SBNO1: variants seen among roughly 807,000 people sequenced by gnomAD.
SBNO1 encodes the protein protein strawberry notch homolog 1.
In SBNO1, 23 loss-of-function variants were observed where a neutral mutation model predicts 173.6. The ratio of observed to expected loss-of-function variants is 0.13; its 90% CI spans 0.10 to 0.19. The LOEUF is 0.19. Among genes scored for constraint, SBNO1 ranks in the 10% least tolerant of loss-of-function variants. SBNO1 has a pLI of 1.00. For synonymous variants in SBNO1, 632 were observed against 571.5 expected, an observed-to-expected ratio of 1.11 and a Z score of -1.51; for missense variants, 1,238 against 1,671.2, an observed-to-expected ratio of 0.74 and a Z score of 4.52.
At chr12:123,313,539 A>G (rs1868882496) in intron 24 of SBNO1, 81 bp downstream of exon 24, 3 of 726,798 alleles carry the variant, frequency 4.1e-6, no homozygotes, top group Non-Finnish European at 6.8e-6. Flanking sequence ...AAAAACTAAT[A>G]TAACAGCAAA....
In SBNO1 at chr12:123,327,402, T is replaced by C. The variant is rs200643105; in HGVS notation, c.1692+24A>G. 4.4e-6 allele frequency: 7 copies of C among 1,593,844 alleles called. No homozygotes were observed. The East Asian group carries it at 1.1e-4, about 25-fold the overall frequency. ...ATTATCAGATACATTAAATAAACAC[T>C]AGGAATTAAGAAAAATTCCTCACCA... is the stretch of plus-strand genomic sequence containing the variant. On this transcript the variant is annotated intron_variant, in intron 13 of 31. Transcript: ENST00000602398.
At chr12:123,309,165 A>G (rs2138914866) in intron 28 of SBNO1, 145 bp downstream of exon 28, 1 of 643,688 alleles carries the variant, frequency 1.6e-6, no homozygotes, top group South Asian at 1.9e-5. Flanking sequence ...ACACAAATGG[A>G]CAAACACACA....
intron 6 of SBNO1, 141 bp downstream of exon 6, chr12:123,336,254 C>T: frequency 3.4e-6 from 2 of 595,444 alleles, no homozygotes; most frequent in Non-Finnish European, 5.8e-6. Context: ...AAATAAAATC[C>T]AAGCTTCTTT....
chr12:123,316,246 T>TA (rs1296083629), intron 21 of SBNO1, among the ~76,000 whole-genome samples: 2 of 152,182 alleles, frequency 1.3e-5, no homozygotes, highest in South Asian at 2.1e-4. Context: ...TTGTTGTTGT[T>TA]AGAGTTTCGC....
chr12:123,361,379 T>C (rs1393695129), intron 1 of SBNO1, among the ~76,000 whole-genome samples: 8 of 151,086 alleles, frequency 5.3e-5, no homozygotes, highest in Admixed American at 6.6e-5. Context: ...AGAAACCCCG[T>C]CTCTACTAAA....
At chr12:123,309,913 C>A in intron 25 of SBNO1, 57 bp from the exon 26 acceptor site, 2 of 1,351,756 alleles carry the variant, frequency 1.5e-6, no homozygotes, top group Non-Finnish European at 2.1e-6. Flanking sequence ...ATTTTTTATT[C>A]ATCTAGGCTT....
chr12:123,302,320 G>T (rs901600741), intron 30 of SBNO1, among the ~76,000 whole-genome samples: 5 of 149,878 alleles, frequency 3.3e-5, no homozygotes, highest in Admixed American at 2.0e-4. Flanking sequence ...TTGACTCACT[G>T]CAACTTCCAC....
intron 1 of SBNO1, among the ~76,000 whole-genome samples, chr12:123,362,424 A>C (rs1875403274): frequency 9.4e-6 from 1 of 106,940 alleles, no homozygotes; most frequent in Non-Finnish European, 1.7e-5. Flanking sequence ...CCACTGAGCG[A>C]GACTCCGTCT....
chr12:123,363,380 G>T (rs1442748867), intron 1 of SBNO1, among the ~76,000 whole-genome samples: 25 of 152,136 alleles, frequency 1.6e-4, no homozygotes, highest in Admixed American at 1.6e-3. Context: ...GAATCCCTCT[G>T]TACTGTCAGC....
intron 28 of SBNO1, among the ~76,000 whole-genome samples, chr12:123,309,006 G>A (rs1363195773): frequency 6.6e-6 from 1 of 151,784 alleles, no homozygotes; most frequent in Non-Finnish European, 1.5e-5. Context: ...GGAGGCAGAG[G>A]ATGAGGTGAG....
Position 123,336,503 on chromosome 12 carries a change from A to G in SBNO1, c.652-12T>C. On this transcript the variant is annotated splice_polypyrimidine_tract_variant and intron_variant, in intron 5 of 31. Coordinates refer to ENST00000602398, the MANE Select transcript of SBNO1 (RefSeq NM_001167856.3). ...ACAACAGGAACCTTCTGCAACACAG[A>G]AAGAGCACAATCAATCCCAAATCCA... is the stretch of plus-strand genomic sequence containing the variant. 1 of 1,571,946 alleles carries G rather than the reference A, an allele frequency of 6.4e-7. No individual in the cohort carries two copies. Among genetic ancestry groups the G allele is most frequent in the Non-Finnish European group, 8.7e-7 (1 of 1,148,164 alleles).
At chr12:123,360,274 C>G (rs1025526952) in intron 1 of SBNO1, among the ~76,000 whole-genome samples, 1 of 151,952 alleles carries the variant, frequency 6.6e-6, no homozygotes, top group African/African-American at 2.4e-5. Context: ...TATCTTTACA[C>G]CAACTTTAGA....
intron 30 of SBNO1, among the ~76,000 whole-genome samples, chr12:123,300,219 G>C (rs577900577): frequency 6.6e-6 from 1 of 152,260 alleles, no homozygotes; most frequent in East Asian, 1.9e-4. Flanking sequence ...GCAAATGTTT[G>C]TTGTTTTTTA....
At chr12:123,313,827 G>A (rs1868922975) in intron 23 of SBNO1, 108 bp from the exon 24 acceptor site, 2 of 634,146 alleles carry the variant, frequency 3.2e-6, no homozygotes, top group East Asian at 5.8e-5. Flanking sequence ...GGTGGCTCAT[G>A]CCTGTAATCC....
At chr12:123,311,748 A>T (rs867492528) in intron 24 of SBNO1, among the ~76,000 whole-genome samples, 243 of 134,372 alleles carry the variant, frequency 1.8e-3, no homozygotes, top group African/African-American at 4.0e-3. Flanking sequence ...ATATATATAT[A>T]TTTTTGCGAC....
chr12:123,320,781 G>C lies in SBNO1; in HGVS notation c.2409C>G (p.Ala803=), dbSNP rs1210333613. Reference sequence around the variant, plus strand: ...TTGATCCAAGACCTGATGCTAATAAGGCACTTTGAATAGAATCTGGATCTA... The same window carrying C: ...TTGATCCAAGACCTGATGCTAATAACGCACTTTGAATAGAATCTGGATCTA... ...KSIDPDSIQS[A]LLASGLGSKR... Residue 803 remains alanine, a synonymous_variant, in exon 18 of 32, where the codon GCC becomes GCG. Transcript: ENST00000602398. The C allele has an allele frequency of 1.9e-6, 3 of 1,610,306 alleles. No individual in the cohort carries two copies. The highest frequency in any genetic ancestry group is 2.5e-6 in the Non-Finnish European group (3 of 1,178,050).
chr12:123,317,329 T>C lies in SBNO1; in HGVS notation c.2827A>G (p.Ser943Gly). The C allele has an allele frequency of 6.2e-7, 1 of 1,614,066 alleles. No individual in the cohort carries two copies. Among genetic ancestry groups the C allele is most frequent in the Non-Finnish European group, 8.5e-7 (1 of 1,179,924 alleles). The change falls in exon 21 of 32, where the codon AGC becomes GGC. Residue 943 changes from serine (S) to glycine (G), a missense_variant. Transcript: ENST00000602398. ...TCTGCTTGTAATGAAATACCCGAGC[T>C]GGCAGCTTCTGAGATGATAGCAATA... is the stretch of plus-strand genomic sequence containing the variant. ...KNIAIISEAA[S>G]SGISLQADRR...
intron 5 of SBNO1, among the ~76,000 whole-genome samples, chr12:123,338,543 G>T (rs1248043366): frequency 6.6e-6 from 1 of 151,962 alleles, no homozygotes; most frequent in Non-Finnish European, 1.5e-5. Flanking sequence ...AAAATTAGCA[G>T]GGCGTAGTGG....
intron 28 of SBNO1, among the ~76,000 whole-genome samples, chr12:123,305,486 T>G (rs2048890546): frequency 6.6e-6 from 1 of 152,190 alleles, no homozygotes; most frequent in South Asian, 2.1e-4. Context: ...ACTTTTTTTT[T>G]TGTTTTTGAG....
Sources: allele counts gnomAD v4.1 joint callset (sites outside exome capture counted in the v4.1 genomes callset), GRCh38; gene constraint gnomAD v4.1.1; transcripts MANE v1.5; gene names NCBI Gene and HGNC (gene_info 2026-07-23, HGNC 2026-07-21).